The following SEMA5A variants were observed in gnomAD, a reference collection of about 807,000 sequenced individuals.
The protein encoded by SEMA5A is semaphorin 5A, also known as semaphorin-5A.
In SEMA5A, 55 loss-of-function variants were observed where a neutral mutation model predicts 135.5. That is an observed-to-expected ratio of 0.41 (90% confidence interval 0.33 to 0.51). SEMA5A has a LOEUF of 0.51. Among genes scored for constraint, SEMA5A ranks in the 20% least tolerant of loss-of-function variants. SEMA5A has a pLI of 0.37. For synonymous variants in SEMA5A, 580 were observed against 546.5 expected, an observed-to-expected ratio of 1.06 and a Z score of -0.85; for missense variants, 1,290 against 1,419.9, an observed-to-expected ratio of 0.91 and a Z score of 1.47.
At chr5:9,096,085 CA>C (rs1483477459) in intron 16 of SEMA5A, among the ~76,000 whole-genome samples, 13 of 152,138 alleles carry the variant, frequency 8.5e-5, no homozygotes, top group Admixed American at 8.5e-4. Context: ...AAGGAATCTC[CA>C]CACTGTTTTC....
At chr5:9,113,060 T>G (rs1326559293) in intron 15 of SEMA5A, among the ~76,000 whole-genome samples, 4 of 152,196 alleles carry the variant, frequency 2.6e-5, no homozygotes, top group Non-Finnish European at 5.9e-5. Context: ...TTTCTCTAGC[T>G]GAGCCCTGAT....
intron 9 of SEMA5A, among the ~76,000 whole-genome samples, chr5:9,200,456 G>A (rs1168140287): frequency 6.6e-6 from 1 of 152,178 alleles, no homozygotes; most frequent in East Asian, 1.9e-4. Flanking sequence ...CTGAGCAAAT[G>A]CACATTTATC....
intron 1 of SEMA5A, among the ~76,000 whole-genome samples, chr5:9,456,626 C>A (rs964454425): frequency 6.6e-6 from 1 of 152,108 alleles, no homozygotes; most frequent in South Asian, 2.1e-4. Flanking sequence ...CCCCAAACCA[C>A]AAAGGGGCTG....
chr5:9,237,546 C>T (rs866058494), intron 6 of SEMA5A, among the ~76,000 whole-genome samples: 8 of 151,992 alleles, frequency 5.3e-5, no homozygotes, highest in South Asian at 2.1e-4. Flanking sequence ...TTTTTTCCAG[C>T]GCTATCAATC....
At chr5:9,532,871 C>A (rs1737534009) in intron 1 of SEMA5A, among the ~76,000 whole-genome samples, 1 of 152,182 alleles carries the variant, frequency 6.6e-6, no homozygotes, top group African/African-American at 2.4e-5. Flanking sequence ...ATGCTCCCTG[C>A]CAATACAATA....
intron 1 of SEMA5A, among the ~76,000 whole-genome samples, chr5:9,478,498 T>C (rs545285744): frequency 1.3e-5 from 2 of 152,234 alleles, no homozygotes; most frequent in African/African-American, 2.4e-5. Context: ...GGGTCAAGGC[T>C]GCCCAAGGGC....
intron 11 of SEMA5A, among the ~76,000 whole-genome samples, chr5:9,161,310 G>A (rs1238420449): frequency 1.3e-5 from 2 of 152,088 alleles, no homozygotes; most frequent in Non-Finnish European, 2.9e-5. Context: ...AAGCACTGAG[G>A]TTTAGGAGGT....
At chr5:9,455,300 G>T (rs553706044) in intron 1 of SEMA5A, among the ~76,000 whole-genome samples, 1 of 151,228 alleles carries the variant, frequency 6.6e-6, no homozygotes, top group Non-Finnish European at 1.5e-5. Flanking sequence ...CTGTCACCCA[G>T]ACTGGAGTGC....
At chr5:9,369,503 T>C (rs1016881686) in intron 3 of SEMA5A, among the ~76,000 whole-genome samples, 1 of 152,214 alleles carries the variant, frequency 6.6e-6, no homozygotes, top group Non-Finnish European at 1.5e-5. Context: ...GTCATCCCTA[T>C]CAGGTAATTG....
At chr5:9,346,924 A>G (rs1424311292) in intron 3 of SEMA5A, among the ~76,000 whole-genome samples, 1 of 150,434 alleles carries the variant, frequency 6.6e-6, no homozygotes, top group African/African-American at 2.4e-5. Context: ...GTATATATAT[A>G]TATATGTATT....
intron 1 of SEMA5A, among the ~76,000 whole-genome samples, chr5:9,518,780 T>C (rs185534454): frequency 6.6e-5 from 10 of 152,214 alleles, no homozygotes; most frequent in Middle Eastern, 3.4e-3. Context: ...CACTTTATTT[T>C]AAAAAACAGA....
intron 6 of SEMA5A, among the ~76,000 whole-genome samples, chr5:9,232,287 G>A (rs1471781234): frequency 6.6e-6 from 1 of 152,162 alleles, no homozygotes; most frequent in African/African-American, 2.4e-5. Flanking sequence ...AAAGGTAAGG[G>A]TTAGAAGGCT....
chr5:9,445,430 G>C (rs1758396854), intron 1 of SEMA5A, among the ~76,000 whole-genome samples: 1 of 151,840 alleles, frequency 6.6e-6, no homozygotes, highest in African/African-American at 2.4e-5. Context: ...AGGACTTTGG[G>C]AGGCCGAGGT....
At chr5:9,366,483 G>A (rs1409068830) in intron 3 of SEMA5A, among the ~76,000 whole-genome samples, 2 of 151,866 alleles carry the variant, frequency 1.3e-5, no homozygotes, top group Non-Finnish European at 2.9e-5. Context: ...CTGCCTCCCG[G>A]GTTCACGCCA....
intron 5 of SEMA5A, among the ~76,000 whole-genome samples, chr5:9,267,729 A>G (rs148150365): frequency 1.3e-3 from 205 of 152,220 alleles, no homozygotes; most frequent in Middle Eastern, 3.4e-3. Context: ...AGATAAAAAG[A>G]CACATCTGAG....
At chr5:9,486,300 G>C (rs1734722386) in intron 1 of SEMA5A, among the ~76,000 whole-genome samples, 1 of 152,156 alleles carries the variant, frequency 6.6e-6, no homozygotes, top group African/African-American at 2.4e-5. Flanking sequence ...GGGAGGGAGA[G>C]TGTCAGGAGA....
At chr5:9,370,974 A>C (rs774308293) in intron 3 of SEMA5A, among the ~76,000 whole-genome samples, 1 of 152,242 alleles carries the variant, frequency 6.6e-6, no homozygotes, top group Admixed American at 6.5e-5. Flanking sequence ...ATATACTTAA[A>C]GATAGATAAA....
chr5:9,320,629 G>A (rs1752586426), intron 4 of SEMA5A, among the ~76,000 whole-genome samples: 1 of 152,150 alleles, frequency 6.6e-6, no homozygotes, highest in African/African-American at 2.4e-5. Context: ...GAAGTGGGAG[G>A]ATCCATTGAG....
At chr5:9,238,434 C>G (rs1268678657) in intron 5 of SEMA5A, among the ~76,000 whole-genome samples, 1 of 151,910 alleles carries the variant, frequency 6.6e-6, no homozygotes, top group African/African-American at 2.4e-5. Context: ...AGGATTTTTC[C>G]CCAGTAGCAG....
Sources: gnomAD v4.1 joint callset for allele counts (sites outside exome capture counted in the v4.1 genomes callset) on GRCh38, gnomAD v4.1.1 for gene constraint, MANE v1.5 for transcripts, NCBI Gene and HGNC (gene_info 2026-07-23, HGNC 2026-07-21) for gene names.